IQCM: variants seen among roughly 807,000 people sequenced by gnomAD.
IQCM encodes the protein IQ motif containing M.
IQCM carries 45 observed loss-of-function variants against 57.6 expected under a neutral mutation model. The ratio of observed to expected loss-of-function variants is 0.78; its 90% CI spans 0.62 to 1.00. The LOEUF (loss-of-function observed/expected upper bound fraction) is 1.00, where lower values mean the gene tolerates loss of function less well. Ranked by LOEUF, IQCM falls within the 50% of genes least tolerant of loss-of-function variation. The pLI is 0.00. For missense variants in IQCM, 468 were observed against 511.6 expected (o/e 0.91, Z 0.82); for synonymous variants, 148 against 158.9 (o/e 0.93, Z 0.51).
chr4:149,440,782 T>C (rs1735864414), intron 12 of IQCM, among the ~76,000 whole-genome samples: 1 of 152,146 alleles, frequency 6.6e-6, no homozygotes, highest in Non-Finnish European at 1.5e-5. Flanking sequence ...AAATAAGTGC[T>C]GTCTTTCAGA....
intron 13 of IQCM, among the ~76,000 whole-genome samples, chr4:149,388,485 C>G (rs1411005495): frequency 1.4e-5 from 2 of 143,418 alleles, no homozygotes; most frequent in African/African-American, 5.1e-5. Flanking sequence ...TGGACACATA[C>G]ATATATGTCC....
chr4:149,611,419 T>C (rs945993321), intron 8 of IQCM, among the ~76,000 whole-genome samples: 7 of 152,056 alleles, frequency 4.6e-5, no homozygotes, highest in African/African-American at 7.2e-5. Flanking sequence ...AAATCCAAGA[T>C]ATAGTATCAA....
intron 12 of IQCM, among the ~76,000 whole-genome samples, chr4:149,480,327 C>T (rs143896939): frequency 1.6e-4 from 24 of 151,986 alleles, no homozygotes; most frequent in Non-Finnish European, 5.9e-5. Flanking sequence ...ACTATAGCCC[C>T]CTGTTGTGCT....
intron 8 of IQCM, among the ~76,000 whole-genome samples, chr4:149,616,004 A>T (rs1399664837): frequency 6.6e-6 from 1 of 152,198 alleles, no homozygotes; most frequent in Non-Finnish European, 1.5e-5. Context: ...GCTGGTGGGA[A>T]GGTAAAATGG....
chr4:149,611,976 A>T (rs35132567), intron 8 of IQCM, among the ~76,000 whole-genome samples: 29,642 of 145,440 alleles, frequency 0.2, 3,316 homozygotes, highest in South Asian at 0.35. Context: ...TTTATTATTT[A>T]TAAAGAAAAG....
Position 149,403,068 on chromosome 4 carries a change from G to T in IQCM, c.1390+30328C>A, listed in dbSNP as rs535065309. Among the ~76,000 whole-genome samples, 8 of 152,000 alleles carry T rather than the reference G, an allele frequency of 5.3e-5. No homozygotes were observed. In the Middle Eastern group the frequency reaches 0.014, roughly 259 times the overall value. ...TCAGATGTCATTCGTATTTAAAAGTGCATCACAAACATATCCAGCATAAGC... is the reference window on the plus strand; with the variant it reads ...TCAGATGTCATTCGTATTTAAAAGTTCATCACAAACATATCCAGCATAAGC... On this transcript the variant is annotated intron_variant, in intron 13 of 13. Coordinates refer to ENST00000636793, the MANE Select transcript of IQCM (RefSeq NM_001363507.2).
intron 12 of IQCM, among the ~76,000 whole-genome samples, chr4:149,535,751 A>G (rs760083601): frequency 6.6e-6 from 1 of 152,050 alleles, no homozygotes; most frequent in Non-Finnish European, 1.5e-5. Context: ...TAAGAGTCAA[A>G]GGTTTAAAAA....
At chr4:149,670,960 G>A (rs1175308783) in intron 7 of IQCM, among the ~76,000 whole-genome samples, 2 of 144,946 alleles carry the variant, frequency 1.4e-5, no homozygotes, top group Non-Finnish European at 3.0e-5. Context: ...TTTTTGTTGT[G>A]TCTCTGCCAG....
intron 12 of IQCM, among the ~76,000 whole-genome samples, chr4:149,538,795 GA>G (rs1181734850): frequency 4.0e-5 from 6 of 151,202 alleles, no homozygotes; most frequent in Admixed American, 1.3e-4. Context: ...CCCCAGAAAA[GA>G]AAAAAAGAAA....
chr4:149,677,790 A>G (rs1443418667), intron 7 of IQCM, among the ~76,000 whole-genome samples: 1 of 151,952 alleles, frequency 6.6e-6, no homozygotes, highest in African/African-American at 2.4e-5. Flanking sequence ...ATAACACAAG[A>G]AAACAATCCA....
At chr4:149,672,864 G>A (rs1029802101) in intron 7 of IQCM, among the ~76,000 whole-genome samples, 4 of 152,126 alleles carry the variant, frequency 2.6e-5, no homozygotes, top group Admixed American at 6.6e-5. Context: ...AAAATGTTAA[G>A]GGCAGCCAGA....
At chr4:149,569,054 C>A (rs1450099421) in intron 9 of IQCM, among the ~76,000 whole-genome samples, 1 of 152,094 alleles carries the variant, frequency 6.6e-6, no homozygotes, top group Non-Finnish European at 1.5e-5. Flanking sequence ...TTTCAGAACC[C>A]TACATCTACA....
At chr4:149,747,678 G>A (rs770635488) in intron 2 of IQCM, among the ~76,000 whole-genome samples, 1 of 152,152 alleles carries the variant, frequency 6.6e-6, no homozygotes, top group African/African-American at 2.4e-5. Flanking sequence ...TTGTGAGAGG[G>A]CCATAAAATG....
At chr4:149,589,664 A>G (rs1440487211) in intron 8 of IQCM, among the ~76,000 whole-genome samples, 2 of 151,988 alleles carry the variant, frequency 1.3e-5, no homozygotes, top group African/African-American at 2.4e-5. Flanking sequence ...CGGGAACACA[A>G]CAATAACCCG....
At chr4:149,427,045 T>A (rs1055707899) in intron 13 of IQCM, among the ~76,000 whole-genome samples, 1 of 151,948 alleles carries the variant, frequency 6.6e-6, no homozygotes, top group African/African-American at 2.4e-5. Flanking sequence ...TTATTTCAGA[T>A]ACTGAGAGTT....
intron 5 of IQCM, among the ~76,000 whole-genome samples, chr4:149,732,411 G>A (rs1438135173): frequency 6.6e-6 from 1 of 152,056 alleles, no homozygotes; most frequent in Non-Finnish European, 1.5e-5. Flanking sequence ...AATCTCTTCT[G>A]GCCTTTGGTT....
chr4:149,607,655 G>C (rs1484927271), intron 8 of IQCM, among the ~76,000 whole-genome samples: 1 of 151,978 alleles, frequency 6.6e-6, no homozygotes, highest in Admixed American at 6.6e-5. Context: ...TTAAAATATA[G>C]AGTATTTTAG....
chr4:149,755,207 C>G (rs1768847648), intron 2 of IQCM, among the ~76,000 whole-genome samples: 1 of 152,192 alleles, frequency 6.6e-6, no homozygotes, highest in African/African-American at 2.4e-5. Flanking sequence ...CTGCCCCTAT[C>G]CATGACCTAC....
chr4:149,783,988 T>A (rs1198045454), intron 2 of IQCM, among the ~76,000 whole-genome samples: 2 of 152,172 alleles, frequency 1.3e-5, no homozygotes, highest in Non-Finnish European at 2.9e-5. Context: ...GGCTGGCTAG[T>A]TCATTGAATG....
Sources: gnomAD v4.1 joint callset for allele counts (sites outside exome capture counted in the v4.1 genomes callset) on GRCh38, gnomAD v4.1.1 for gene constraint, MANE v1.5 for transcripts, NCBI Gene and HGNC (gene_info 2026-07-23, HGNC 2026-07-21) for gene names.